Variants in SLC22A16 observed in about 807,000 individuals in gnomAD.
SLC22A16 encodes the protein solute carrier family 22 member 16, also known as WUGSC:RG331P03.1.
A neutral mutation model predicts 52.9 loss-of-function variants in SLC22A16; 53 were observed. The ratio of observed to expected loss-of-function variants is 1.00; its 90% CI spans 0.80 to 1.26. The LOEUF is 1.26. SLC22A16 is among the 50% of genes most tolerant of loss of function. SLC22A16 has a pLI of 0.00. For missense variants in SLC22A16, 726 were observed against 704.0 expected (o/e 1.03, Z -0.35); for synonymous variants, 291 against 268.8 (o/e 1.08, Z -0.81).
At chr6:110,444,261 G>GT (rs1341250014) in intron 3 of SLC22A16, among the ~76,000 whole-genome samples, 1 of 152,160 alleles carries the variant, frequency 6.6e-6, no homozygotes, top group Non-Finnish European at 1.5e-5. Flanking sequence ...CAAAGAATGA[G>GT]TCCATTGATG....
At chr6:110,467,873 G>C (rs1776125549) in intron 1 of SLC22A16, among the ~76,000 whole-genome samples, 1 of 152,176 alleles carries the variant, frequency 6.6e-6, no homozygotes, top group Admixed American at 6.5e-5. Flanking sequence ...CAGTCCAAGG[G>C]ATCATCTCTA....
At chr6:110,452,050 G>T (rs1029123601) in intron 2 of SLC22A16, among the ~76,000 whole-genome samples, 2 of 152,046 alleles carry the variant, frequency 1.3e-5, no homozygotes, top group Non-Finnish European at 2.9e-5. Context: ...ATGCCTATGT[G>T]TCTATACTTA....
In SLC22A16 at chr6:110,442,245, C is replaced by T; in HGVS notation, c.1182G>A (p.Leu394=). ...TTTAAATATACTGTAACTACTTACC[C>T]AGGAGGAAGAGGTTTAAGTATTCAT... ...GGNEYLNLFL[L]GVVEIPAYTF... The change falls in exon 4 of 8, where the codon CTG becomes CTA. Residue 394 remains leucine (L), a splice_region_variant and synonymous_variant. Coordinates refer to ENST00000368919, the MANE Select transcript of SLC22A16 (RefSeq NM_033125.4). 1 of 1,612,834 alleles carries T rather than the reference C, an allele frequency of 6.2e-7. No individual in the cohort carries two copies. The highest frequency in any genetic ancestry group is 1.1e-5 in the South Asian group (1 of 90,904).
At chr6:110,439,494 C>CA (rs1280272080) in intron 4 of SLC22A16, among the ~76,000 whole-genome samples, 3 of 150,944 alleles carry the variant, frequency 2.0e-5, no homozygotes, top group Non-Finnish European at 2.9e-5. Flanking sequence ...TAGTTTGCTT[C>CA]AAAAAAAAGA....
At chr6:110,428,600 T>C (rs542232740) in intron 7 of SLC22A16, among the ~76,000 whole-genome samples, 2 of 152,342 alleles carry the variant, frequency 1.3e-5, no homozygotes, top group Non-Finnish European at 1.5e-5. Flanking sequence ...TGAAGACTAA[T>C]TTTTGTAAAG....
chr6:110,476,338 G>T (rs1041780375), intron 1 of SLC22A16, 184 bp downstream of exon 1: 1 of 1,386,280 alleles, frequency 7.2e-7, no homozygotes. Flanking sequence ...CGCTGCCAGA[G>T]GCCTAGAGGA....
At position 110,456,666 on chromosome 6, in the gene SLC22A16, T is replaced by G; in HGVS notation, c.405A>C (p.Thr135=). The change falls in exon 2 of 8, where the codon ACA becomes ACC. Residue 135 remains threonine, a synonymous_variant. Coordinates refer to ENST00000368919, the MANE Select transcript of SLC22A16 (RefSeq NM_033125.4). The part of the protein sequence containing the change: ...CVDGYIYDQN[T]WKSTAVTQWN... ...ACTGGGTCACCGCAGTGCTTTTCCA[T>G]GTGTTCTGGTCATATATGTAGCCAT... is the stretch of plus-strand genomic sequence containing the variant. 1 of 1,614,208 alleles carries G rather than the reference T, an allele frequency of 6.2e-7. No homozygotes were observed. The highest frequency in any genetic ancestry group is 8.5e-7 in the Non-Finnish European group (1 of 1,180,042).
At chr6:110,457,749 G>A (rs931915177) in intron 1 of SLC22A16, among the ~76,000 whole-genome samples, 5 of 152,162 alleles carry the variant, frequency 3.3e-5, no homozygotes, top group African/African-American at 9.7e-5. Flanking sequence ...TGTTATGCCC[G>A]GGTAGGGCCA....
At chr6:110,466,307 A>C (rs902281028) in intron 1 of SLC22A16, among the ~76,000 whole-genome samples, 8 of 152,134 alleles carry the variant, frequency 5.3e-5, no homozygotes, top group Non-Finnish European at 1.2e-4. Flanking sequence ...TTCAACTAAA[A>C]AGCTTCTGCA....
rs184597625 is a variant in SLC22A16 at position 110,468,466 on chromosome 6, G to A, written c.53+8056C>T. On this transcript the variant is annotated intron_variant, in intron 1 of 7. Transcript: ENST00000368919. ...TCAAGACAAGCCTGGCCAACATGGT[G>A]AAACCCTGTTTCTACTAAAAATGCC... Among the ~76,000 whole-genome samples the A allele has an allele frequency of 4.1e-3, 620 of 152,142 alleles. 4 individuals are homozygous for A. Among genetic ancestry groups the A allele is most frequent in the African/African-American group, 0.014 (582 of 41,502 alleles).
intron 7 of SLC22A16, among the ~76,000 whole-genome samples, chr6:110,426,613 G>T (rs1420882554): frequency 1.3e-5 from 2 of 151,970 alleles, no homozygotes; most frequent in African/African-American, 2.4e-5. Context: ...ACATATTTTT[G>T]ATCTTTTCCT....
At chr6:110,468,375 T>C (rs1227716768) in intron 1 of SLC22A16, among the ~76,000 whole-genome samples, 1 of 152,122 alleles carries the variant, frequency 6.6e-6, no homozygotes, top group Admixed American at 6.5e-5. Context: ...CCAGGCATGG[T>C]GGCTCATGCC....
intron 7 of SLC22A16, among the ~76,000 whole-genome samples, chr6:110,429,286 T>C (rs990396941): frequency 3.9e-5 from 6 of 152,126 alleles, no homozygotes; most frequent in African/African-American, 1.4e-4. Context: ...TCTGAGAAAG[T>C]GGCTGGGATC....
At chr6:110,442,007 A>C (rs886232538) in intron 4 of SLC22A16, among the ~76,000 whole-genome samples, 5 of 152,090 alleles carry the variant, frequency 3.3e-5, no homozygotes, top group African/African-American at 9.7e-5. Flanking sequence ...TTATGTTTTA[A>C]ATTTTTGTCT....
chr6:110,450,576 C>T (rs569204001), intron 2 of SLC22A16, among the ~76,000 whole-genome samples: 40 of 129,004 alleles, frequency 3.1e-4, no homozygotes, highest in African/African-American at 9.9e-4. Flanking sequence ...CGCACCACTG[C>T]ACTTCAGCCT....
At chr6:110,438,915 A>G in intron 4 of SLC22A16, 68 bp from the exon 5 acceptor site, 1 of 1,588,950 alleles carries the variant, frequency 6.3e-7, no homozygotes, top group Non-Finnish European at 8.6e-7. Flanking sequence ...CCCGTCTTCT[A>G]ACCCACTACC....
rs1176375092 is a variant in SLC22A16 at position 110,442,551 on chromosome 6, AG to A, written c.875del (p.Pro292LeufsTer16). On this transcript the variant is annotated frameshift_variant, in exon 4 of 8. Transcript: ENST00000368919. LOFTEE classifies it high-confidence loss of function. ...ILCCWVLPET[P>X]FWLLSEGRYE... ...ATCGTCCCTCTGAGAGAAGCCAAAA[AG>A]GTGTCTCTGGGAGCACCCAACAGCA... The A allele has an allele frequency of 1.2e-6, 2 of 1,614,110 alleles. No homozygotes were observed. Among genetic ancestry groups the A allele is most frequent in the African/African-American group, 2.7e-5 (2 of 74,938 alleles).
At chr6:110,455,065 T>C (rs188201721) in intron 2 of SLC22A16, among the ~76,000 whole-genome samples, 6,584 of 134,366 alleles carry the variant, frequency 0.049, 200 homozygotes, top group South Asian at 0.086. Flanking sequence ...TATATATATA[T>C]ATACACACAC....
At chr6:110,456,475 A>C (rs1775657274) in intron 2 of SLC22A16, 63 bp downstream of exon 2, 1 of 1,556,342 alleles carries the variant, frequency 6.4e-7, no homozygotes, top group Non-Finnish European at 8.7e-7. Flanking sequence ...CTTGTGTCCC[A>C]AGAAAACCAG....
Sources: allele counts gnomAD v4.1 joint callset (sites outside exome capture counted in the v4.1 genomes callset), GRCh38; gene constraint gnomAD v4.1.1; transcripts MANE v1.5; gene names NCBI Gene and HGNC (gene_info 2026-07-23, HGNC 2026-07-21).